CLNK: variants seen among roughly 807,000 people sequenced by gnomAD.
CLNK encodes the protein cytokine dependent hematopoietic cell linker, also known as cytokine-dependent hematopoietic cell linker.
In CLNK, 74 loss-of-function variants were observed where a neutral mutation model predicts 68.6. That is an observed-to-expected ratio of 1.08 (90% CI 0.89 to 1.31). The LOEUF (loss-of-function observed/expected upper bound fraction) is 1.31. Ranked by LOEUF, CLNK falls within the 50% of genes most tolerant of loss-of-function variation. CLNK has a pLI of 0.00. For synonymous variants in CLNK, 198 were observed against 172.2 expected (o/e 1.15, Z -1.17); for missense variants, 553 against 515.3 (o/e 1.07, Z -0.71).
At chr4:10,615,349 C>T (rs758073599) in intron 2 of CLNK, among the ~76,000 whole-genome samples, 16 of 152,096 alleles carry the variant, frequency 1.1e-4, no homozygotes, top group Non-Finnish European at 1.8e-4. Context: ...GGCATGGTGG[C>T]ACATGCCTAT....
the CLNK span, among the ~76,000 whole-genome samples, chr4:10,699,459 C>CCTCTCTCTCT: frequency 4.8e-5 from 3 of 62,896 alleles, no homozygotes; most frequent in Admixed American, 1.9e-4. Context: ...CTATGTACAT[C>CCTCTCTCTCT]CTCTCTGTCT....
chr4:10,596,279 C>A (rs1442537485), intron 3 of CLNK, among the ~76,000 whole-genome samples: 1 of 152,204 alleles, frequency 6.6e-6, no homozygotes, highest in Admixed American at 6.5e-5. Flanking sequence ...CCTGCCTCAG[C>A]CTCCCAAAGT....
intron 17 of CLNK, among the ~76,000 whole-genome samples, chr4:10,504,851 C>G (rs1340333502): frequency 6.6e-6 from 1 of 152,044 alleles, no homozygotes; most frequent in Admixed American, 6.6e-5. Flanking sequence ...CTGAGACAAA[C>G]AGAAAAGGAA....
chr4:10,665,787 C>T (rs1418704322), intron 2 of CLNK, among the ~76,000 whole-genome samples: 2 of 152,134 alleles, frequency 1.3e-5, no homozygotes, highest in African/African-American at 2.4e-5. Flanking sequence ...CACGTTGCCC[C>T]TGAAGAGGGG....
At chr4:10,693,492 A>C in the CLNK span, among the ~76,000 whole-genome samples, 1 of 152,202 alleles carries the variant, frequency 6.6e-6, no homozygotes, top group Admixed American at 6.5e-5. Flanking sequence ...CCACAAGCCA[A>C]GGAATGCCTA....
At chr4:10,709,861 C>G in the CLNK span, among the ~76,000 whole-genome samples, 1 of 152,110 alleles carries the variant, frequency 6.6e-6, no homozygotes. Flanking sequence ...ACATGTGAAG[C>G]CATCCAAGAT....
chr4:10,637,331 T>G (rs1723128777), intron 2 of CLNK, among the ~76,000 whole-genome samples: 1 of 152,104 alleles, frequency 6.6e-6, no homozygotes. Flanking sequence ...GATTGGAACC[T>G]TTGTATCACT....
At chr4:10,692,391 G>A in the CLNK span, among the ~76,000 whole-genome samples, 1 of 152,162 alleles carries the variant, frequency 6.6e-6, no homozygotes, top group Non-Finnish European at 1.5e-5. Flanking sequence ...CGCATTCACA[G>A]GCAGCAGTTG....
intron 15 of CLNK, among the ~76,000 whole-genome samples, chr4:10,519,264 G>A (rs988058809): frequency 2.0e-5 from 3 of 152,052 alleles, no homozygotes; most frequent in South Asian, 2.1e-4. Flanking sequence ...ATCTGTGAAG[G>A]CCATTTCCAT....
At chr4:10,569,379 C>T (rs981053040) in intron 5 of CLNK, among the ~76,000 whole-genome samples, 13 of 151,576 alleles carry the variant, frequency 8.6e-5, no homozygotes, top group East Asian at 1.9e-4. Context: ...TCTCCCCACC[C>T]GTCCCCAAAT....
intron 8 of CLNK, among the ~76,000 whole-genome samples, chr4:10,548,112 G>C (rs961534104): frequency 6.6e-5 from 10 of 152,280 alleles, no homozygotes; most frequent in South Asian, 2.1e-4. Context: ...CCAACTGTGT[G>C]CAAGGGATCG....
chr4:10,710,717 G>A, the CLNK span, among the ~76,000 whole-genome samples: 1 of 152,146 alleles, frequency 6.6e-6, no homozygotes, highest in South Asian at 2.1e-4. Flanking sequence ...CCTCCCAGAG[G>A]TAATTCCTAT....
At chr4:10,548,515 C>G (rs536031884) in intron 8 of CLNK, among the ~76,000 whole-genome samples, 5 of 152,254 alleles carry the variant, frequency 3.3e-5, no homozygotes, top group African/African-American at 1.2e-4. Flanking sequence ...TGATGTAGCC[C>G]TACTTGTTTA....
the CLNK span, among the ~76,000 whole-genome samples, chr4:10,699,270 C>CACACCACATACGTGTAT: frequency 4.6e-4 from 37 of 80,918 alleles, 2 homozygotes; most frequent in African/African-American, 1.5e-3. Flanking sequence ...TGTATACACA[C>CACACCACATACGTGTAT]ACACACACCA....
the CLNK span, among the ~76,000 whole-genome samples, chr4:10,694,338 C>T: frequency 6.6e-6 from 1 of 152,106 alleles, no homozygotes; most frequent in East Asian, 1.9e-4. Context: ...CACTCACACA[C>T]AGTGGCTGGG....
chr4:10,501,288 AC>A lies in CLNK; in HGVS notation c.1107del (p.Gln369HisfsTer17), dbSNP rs1206394468. ...VKIRFLERNQ[Q>X]FALGTGLRGD... ...CCTCTGAGTCCTGTCCCCAGGGCAA[AC>A]TGCTGATTCCTCTCCAGGAAGCGTA... On this transcript the variant is annotated frameshift_variant, in exon 18 of 19. Coordinates refer to ENST00000226951, the MANE Select transcript of CLNK (RefSeq NM_052964.4). LOFTEE classifies it high-confidence loss of function. The A allele has an allele frequency of 5.0e-6, 8 of 1,601,824 alleles. No individual in the cohort carries two copies. Among genetic ancestry groups the A allele is most frequent in the Non-Finnish European group, 6.8e-6 (8 of 1,176,132 alleles).
intron 2 of CLNK, among the ~76,000 whole-genome samples, chr4:10,624,111 T>G (rs1273207078): frequency 6.6e-6 from 1 of 152,192 alleles, no homozygotes; most frequent in South Asian, 2.1e-4. Flanking sequence ...AGCCCGAGTG[T>G]TTTAGGTTTA....
the CLNK span, among the ~76,000 whole-genome samples, chr4:10,726,607 TA>T: frequency 6.6e-6 from 1 of 152,158 alleles, no homozygotes; most frequent in African/African-American, 2.4e-5. Flanking sequence ...CAGGTGGACA[TA>T]ATTAACCCAT....
intron 3 of CLNK, 58 bp downstream of exon 3, chr4:10,597,920 A>G: frequency 8.3e-7 from 1 of 1,205,448 alleles, no homozygotes. Context: ...TGGTCAGCTT[A>G]TTTGCTACAG....
Sources: allele counts gnomAD v4.1 joint callset (sites outside exome capture counted in the v4.1 genomes callset), GRCh38; gene constraint gnomAD v4.1.1; transcripts MANE v1.5; gene names NCBI Gene and HGNC (gene_info 2026-07-23, HGNC 2026-07-21).